The following ZDHHC14 variants were observed in gnomAD, a reference collection of about 807,000 sequenced individuals.
ZDHHC14 encodes zDHHC palmitoyltransferase 14, also known as palmitoyltransferase ZDHHC14.
In ZDHHC14, 16 loss-of-function variants were observed where a neutral mutation model predicts 47.7. The observed-to-expected ratio is 0.34, with a 90% CI of 0.23 to 0.51. ZDHHC14 has a LOEUF of 0.51. Ranked by LOEUF, ZDHHC14 falls within the 20% of genes least tolerant of loss-of-function variation. The pLI is 0.97. For synonymous variants in ZDHHC14, 293 were observed against 278.9 expected, an observed-to-expected ratio of 1.05 and a Z score of -0.50; for missense variants, 515 against 662.5, an observed-to-expected ratio of 0.78 and a Z score of 2.44.
chr6:157,628,706 C>T, intron 4 of ZDHHC14: 2 of 557,454 alleles, frequency 3.6e-6, no homozygotes, highest in East Asian at 3.3e-5. Context: ...CCATCTTTCA[C>T]AGCACTTTCC....
intron 5 of ZDHHC14, 96 bp from the exon 6 acceptor site, chr6:157,645,641 G>A (rs1469296352): frequency 3.3e-6 from 3 of 896,106 alleles, no homozygotes; most frequent in Non-Finnish European, 5.2e-6. Flanking sequence ...CAACTAGAGA[G>A]AGGCCTGTGC....
intron 3 of ZDHHC14, among the ~76,000 whole-genome samples, chr6:157,596,321 A>C (rs1784127242): frequency 6.6e-6 from 1 of 152,186 alleles, no homozygotes; most frequent in South Asian, 2.1e-4. Context: ...CAAGAGAAGT[A>C]GCACAGTGGT....
At chr6:157,671,760 C>T (rs1001911067) in intron 8 of ZDHHC14, among the ~76,000 whole-genome samples, 22 of 152,158 alleles carry the variant, frequency 1.4e-4, no homozygotes, top group African/African-American at 4.6e-4. Flanking sequence ...ACAGAGGCTT[C>T]GGGAATGGCT....
rs1278009980 is a variant in ZDHHC14, at chr6:157,427,393, C to T, written c.245+45127C>T. Among the ~76,000 whole-genome samples the T allele has an allele frequency of 6.6e-6, 1 of 152,038 alleles. No homozygotes were observed. The highest frequency in any genetic ancestry group is 1.5e-5 in the Non-Finnish European group (1 of 68,000). ...ACAGAGATGCGCAGGATGCAGGGCC[C>T]CGAGGACTGGAGGGCATTTATGTTT... is the stretch of plus-strand genomic sequence containing the variant. On this transcript the variant is annotated intron_variant, in intron 1 of 8. Coordinates refer to ENST00000359775, the MANE Select transcript of ZDHHC14 (RefSeq NM_024630.3). This position sits in a 1 kb window ranked among gnomAD's most constrained non-coding sequence, Gnocchi z 4.4.
intron 1 of ZDHHC14, among the ~76,000 whole-genome samples, chr6:157,393,158 C>T (rs139580989): frequency 0.01 from 1,589 of 152,308 alleles, 10 homozygotes; most frequent in East Asian, 0.024. Flanking sequence ...GAATTACAGG[C>T]GTGAGCCACC....
intron 3 of ZDHHC14, among the ~76,000 whole-genome samples, chr6:157,598,852 AT>A (rs1467741663): frequency 6.6e-6 from 1 of 152,236 alleles, no homozygotes; most frequent in Non-Finnish European, 1.5e-5. Context: ...AATTAATCAT[AT>A]TAAGCCCAAA....
rs186006235 is a variant in ZDHHC14, at chr6:157,526,359, C to T, written c.246-16226C>T. ...CTGGAGTAAGTGCCCCAGTGCCCGGCGTCCACTCCCAGTGCCTGAGGCCTT... is the reference window on the plus strand; with the variant it reads ...CTGGAGTAAGTGCCCCAGTGCCCGGTGTCCACTCCCAGTGCCTGAGGCCTT... On this transcript the variant is annotated intron_variant, in intron 1 of 8. Coordinates refer to ENST00000359775, the MANE Select transcript of ZDHHC14 (RefSeq NM_024630.3). Among the ~76,000 whole-genome samples, 25 of 152,254 alleles carry T rather than the reference C, an allele frequency of 1.6e-4. 1 individual carries two copies. The East Asian group carries it at 2.5e-3, about 15-fold the overall frequency.
At chr6:157,612,871 T>C (rs1258386576) in intron 3 of ZDHHC14, among the ~76,000 whole-genome samples, 1 of 151,970 alleles carries the variant, frequency 6.6e-6, no homozygotes, top group Non-Finnish European at 1.5e-5. Context: ...ATTGCTTTTT[T>C]GGCCCTATGA....
rs531150845 is a variant in ZDHHC14, at chr6:157,606,848, C to T, written c.565+13702C>T. ...GAAAACAGTTACATTTTTATTTCCACTAACGTCTAAATGAAATTGAATATT... is the reference window on the plus strand; with the variant it reads ...GAAAACAGTTACATTTTTATTTCCATTAACGTCTAAATGAAATTGAATATT... On this transcript the variant is annotated intron_variant, in intron 3 of 8. Coordinates refer to ENST00000359775, the MANE Select transcript of ZDHHC14 (RefSeq NM_024630.3). Among the ~76,000 whole-genome samples the T allele has an allele frequency of 3.9e-5, 6 of 152,350 alleles. No homozygotes were observed. In the East Asian group the frequency reaches 5.8e-4, roughly 15 times the overall value.
chr6:157,573,897 C>T lies in ZDHHC14; in HGVS notation c.407-19091C>T, dbSNP rs547963738. Among the ~76,000 whole-genome samples, 7 of 151,792 alleles carry T rather than the reference C, an allele frequency of 4.6e-5. No individual in the cohort carries two copies. The East Asian group carries it at 1.4e-3, about 29-fold the overall frequency. On this transcript the variant is annotated intron_variant, in intron 2 of 8. Coordinates refer to ENST00000359775, the MANE Select transcript of ZDHHC14 (RefSeq NM_024630.3). ...CCATGGGCCTTGGTGGGGAGATGCACGGATGCTATGGGGTCTGTGCTCAAG... is the reference window on the plus strand; with the variant it reads ...CCATGGGCCTTGGTGGGGAGATGCATGGATGCTATGGGGTCTGTGCTCAAG...
At chr6:157,428,588 C>T (rs926527606) in intron 1 of ZDHHC14, among the ~76,000 whole-genome samples, 11 of 152,216 alleles carry the variant, frequency 7.2e-5, no homozygotes, top group Admixed American at 2.6e-4. Flanking sequence ...GAAGGGCACC[C>T]GAGAGAGGCG....
intron 1 of ZDHHC14, among the ~76,000 whole-genome samples, chr6:157,504,135 T>C (rs1055731137): frequency 6.6e-6 from 1 of 152,068 alleles, no homozygotes. Flanking sequence ...TGGAGTATTA[T>C]CCAGCAGTGG....
At position 157,542,749 on chromosome 6, in the gene ZDHHC14, A is replaced by G. The variant is rs1210678472; in HGVS notation, c.406+4A>G. On this transcript the variant is annotated splice_donor_region_variant and intron_variant, in intron 2 of 8. Transcript: ENST00000359775. ...GCCGATCTGGAAAGGCAAATAGGTAACACTGAAAGTCTGCCCATGGCCTCT... is the reference window on the plus strand; with the variant it reads ...GCCGATCTGGAAAGGCAAATAGGTAGCACTGAAAGTCTGCCCATGGCCTCT... 1 of 1,613,734 alleles carries G rather than the reference A, an allele frequency of 6.2e-7. No homozygotes were observed.
intron 3 of ZDHHC14, among the ~76,000 whole-genome samples, chr6:157,598,400 A>G (rs1315336268): frequency 6.6e-6 from 1 of 152,184 alleles, no homozygotes; most frequent in Non-Finnish European, 1.5e-5. Context: ...GGTTTCCGCT[A>G]TCTCTTCATT....
At chr6:157,666,653 CA>C (rs1422919754) in intron 8 of ZDHHC14, among the ~76,000 whole-genome samples, 3 of 152,196 alleles carry the variant, frequency 2.0e-5, no homozygotes, top group Non-Finnish European at 4.4e-5. Flanking sequence ...TAATTTCACT[CA>C]TTCTTAATTT....
intron 2 of ZDHHC14, among the ~76,000 whole-genome samples, chr6:157,552,912 C>T (rs149728409): frequency 3.0e-3 from 452 of 152,306 alleles, no homozygotes; most frequent in African/African-American, 0.01. Flanking sequence ...TCCCTGATTA[C>T]CTCTCACACC....
rs199734094 is a variant in ZDHHC14, at chr6:157,485,680, A to ATTT, written c.246-56892_246-56890dup. ...TACCCTTGTATCTCCCCTATTTCTGATTTTTTTTTTTTTTTGAAGGGAAAA... is the reference window on the plus strand; with the variant it reads ...TACCCTTGTATCTCCCCTATTTCTGATTTTTTTTTTTTTTTTTTGAAGGGAAAA... On this transcript the variant is annotated intron_variant, in intron 1 of 8. Coordinates refer to ENST00000359775, the MANE Select transcript of ZDHHC14 (RefSeq NM_024630.3). 3.5e-5 allele frequency among the ~76,000 whole-genome samples: 5 copies of ATTT among 143,836 alleles called. No homozygotes were observed. The South Asian group carries it at 6.6e-4, about 19-fold the overall frequency. 94.4% of individuals were successfully genotyped at this position (143,836 alleles called of 152,430 possible).
intron 1 of ZDHHC14, among the ~76,000 whole-genome samples, chr6:157,422,393 AT>A (rs1431565986): frequency 2.0e-5 from 3 of 151,962 alleles, no homozygotes; most frequent in African/African-American, 7.3e-5. Context: ...TTCCATCTCC[AT>A]TTCTGGATTC....
chr6:157,396,552 G>A (rs1777526499), intron 1 of ZDHHC14, among the ~76,000 whole-genome samples: 1 of 152,172 alleles, frequency 6.6e-6, no homozygotes, highest in South Asian at 2.1e-4. Context: ...CAAACTTGAT[G>A]CAGATTTTCC....
Sources: gnomAD v4.1 joint callset for allele counts (sites outside exome capture counted in the v4.1 genomes callset) on GRCh38, gnomAD v4.1.1 for gene constraint, Gnocchi (gnomAD v3.1) non-coding constraint, MANE v1.5 for transcripts, NCBI Gene and HGNC (gene_info 2026-07-23, HGNC 2026-07-21) for gene names.